MACROD2: variants seen among roughly 807,000 people sequenced by gnomAD.
MACROD2 encodes mono-ADP ribosylhydrolase 2.
In MACROD2, 36 loss-of-function variants were observed where a neutral mutation model predicts 70.4. The observed-to-expected ratio is 0.51, with a 90% CI of 0.39 to 0.68. The LOEUF (loss-of-function observed/expected upper bound fraction) is 0.68. MACROD2 is among the 30% of genes least tolerant of loss of function. The pLI, the probability that MACROD2 is intolerant of heterozygous loss-of-function variation, is 0.00. For synonymous variants in MACROD2, 172 were observed against 178.8 expected, an observed-to-expected ratio of 0.96 and a Z score of 0.30; for missense variants, 496 against 538.4, an observed-to-expected ratio of 0.92 and a Z score of 0.78.
chr20:15,402,292 G>C (rs911611961), intron 6 of MACROD2, among the ~76,000 whole-genome samples: 7 of 152,154 alleles, frequency 4.6e-5, no homozygotes, highest in African/African-American at 1.7e-4. Flanking sequence ...GAAGTTAAAA[G>C]ATAAACTTGG....
chr20:15,078,306 T>C (rs2075675510), intron 5 of MACROD2, among the ~76,000 whole-genome samples: 2 of 152,256 alleles, frequency 1.3e-5, no homozygotes, highest in Middle Eastern at 3.4e-3. Flanking sequence ...TCCATAGTCC[T>C]CCATTTCAGT....
At chr20:15,512,013 T>G (rs1406738901) in intron 8 of MACROD2, among the ~76,000 whole-genome samples, 1 of 152,216 alleles carries the variant, frequency 6.6e-6, no homozygotes. Context: ...CATACTGCAA[T>G]AAAAACTCCC....
chr20:15,919,053 G>C (rs554661382), intron 10 of MACROD2, among the ~76,000 whole-genome samples: 1 of 152,240 alleles, frequency 6.6e-6, no homozygotes, highest in Non-Finnish European at 1.5e-5. Context: ...TCTTTTCATA[G>C]ATCACAAGGC....
Position 14,033,752 on chromosome 20 carries a change from A to G in MACROD2, c.163+31348A>G, listed in dbSNP as rs568718136. Among the ~76,000 whole-genome samples, 8 of 152,262 alleles carry G rather than the reference A, an allele frequency of 5.3e-5. No homozygotes were observed. In the East Asian group the frequency reaches 1.2e-3, roughly 22 times the overall value. On this transcript the variant is annotated intron_variant, in intron 2 of 17. Coordinates refer to ENST00000684519, the MANE Select transcript of MACROD2 (RefSeq NM_001351661.2). ...TGTATGTGCTTCATGGCCTTATTCA[A>G]TCAAGCACCCTAGTCTTGATTTACT...
chr20:14,184,057 A>G (rs1306746865), intron 3 of MACROD2, among the ~76,000 whole-genome samples: 9 of 151,992 alleles, frequency 5.9e-5, no homozygotes, highest in Admixed American at 5.9e-4. Flanking sequence ...CTCATTTGTC[A>G]ATTTTTACTT....
chr20:14,730,384 A>C (rs1474311176), intron 5 of MACROD2, among the ~76,000 whole-genome samples: 1 of 152,216 alleles, frequency 6.6e-6, no homozygotes, highest in East Asian at 1.9e-4. Context: ...AAAAGCAGCC[A>C]CTGAGAAAGG....
intron 2 of MACROD2, among the ~76,000 whole-genome samples, chr20:14,014,384 C>T (rs566574503): frequency 3.5e-4 from 54 of 152,134 alleles, no homozygotes; most frequent in Non-Finnish European, 5.6e-4. Flanking sequence ...TTTTCATCAA[C>T]GTGTTTAAAA....
At chr20:14,727,466 T>G (rs1168867272) in intron 5 of MACROD2, among the ~76,000 whole-genome samples, 3 of 151,870 alleles carry the variant, frequency 2.0e-5, no homozygotes, top group African/African-American at 7.3e-5. Context: ...GCCTGGGAGG[T>G]TGAAGCTGCA....
chr20:14,905,898 C>T (rs1344065543), intron 5 of MACROD2: 1 of 152,136 alleles, frequency 6.6e-6, no homozygotes, highest in Non-Finnish European at 1.5e-5. Flanking sequence ...CTCTTCCAGC[C>T]TTCACCTCAA....
At chr20:15,689,081 A>G (rs192227927) in intron 8 of MACROD2, among the ~76,000 whole-genome samples, 35 of 152,378 alleles carry the variant, frequency 2.3e-4, no homozygotes, top group Admixed American at 1.6e-3. Context: ...AGGCAGGCAG[A>G]TCACCGGAGG....
chr20:14,348,473 A>G (rs552514937), intron 3 of MACROD2, among the ~76,000 whole-genome samples: 18 of 151,488 alleles, frequency 1.2e-4, no homozygotes, highest in Non-Finnish European at 2.5e-4. Context: ...CCTAATAGGC[A>G]TTTCTATTTA....
intron 8 of MACROD2, among the ~76,000 whole-genome samples, chr20:15,758,897 C>A (rs928775941): frequency 1.3e-4 from 19 of 151,696 alleles, no homozygotes; most frequent in Non-Finnish European, 2.2e-4. Flanking sequence ...TGCCTATAAT[C>A]CCTGCACTTT....
At chr20:16,046,733 T>G (rs2067387881) in intron 17 of MACROD2, among the ~76,000 whole-genome samples, 1 of 141,400 alleles carries the variant, frequency 7.1e-6, no homozygotes, top group Admixed American at 7.5e-5. Flanking sequence ...CGGGCTACAG[T>G]GTAGTGGCAC....
intron 7 of MACROD2, among the ~76,000 whole-genome samples, chr20:15,440,375 C>T (rs890791822): frequency 1.3e-5 from 2 of 152,124 alleles, no homozygotes; most frequent in Non-Finnish European, 2.9e-5. Context: ...TTGTTATCAA[C>T]GTGGAGTGCC....
At chr20:14,732,940 A>G (rs562056353) in intron 5 of MACROD2, among the ~76,000 whole-genome samples, 16 of 152,266 alleles carry the variant, frequency 1.1e-4, no homozygotes, top group African/African-American at 3.6e-4. Flanking sequence ...ATATTCAATT[A>G]CCAAGGTTGT....
At chr20:15,924,053 TG>T (rs1197651221) in intron 10 of MACROD2, among the ~76,000 whole-genome samples, 1 of 152,230 alleles carries the variant, frequency 6.6e-6, no homozygotes, top group African/African-American at 2.4e-5. Flanking sequence ...AGCACATTTT[TG>T]GAAAAAGTTC....
chr20:15,904,778 G>A (rs1171504923), intron 10 of MACROD2, among the ~76,000 whole-genome samples: 1 of 151,840 alleles, frequency 6.6e-6, no homozygotes, highest in African/African-American at 2.4e-5. Flanking sequence ...CTACTCGGGA[G>A]GCTGAGGCAG....
intron 5 of MACROD2, among the ~76,000 whole-genome samples, chr20:15,068,790 A>G (rs932187219): frequency 2.6e-5 from 4 of 152,194 alleles, no homozygotes; most frequent in Admixed American, 6.5e-5. Flanking sequence ...CTTTATAGCA[A>G]TAAAAAATGG....
intron 6 of MACROD2, among the ~76,000 whole-genome samples, chr20:15,422,984 A>G (rs1441088033): frequency 1.3e-5 from 2 of 152,180 alleles, no homozygotes; most frequent in Non-Finnish European, 2.9e-5. Flanking sequence ...TTTACCTAAT[A>G]TTCTAATTGA....
Sources: allele counts gnomAD v4.1 joint callset (sites outside exome capture counted in the v4.1 genomes callset), GRCh38; gene constraint gnomAD v4.1.1; transcripts MANE v1.5; gene names NCBI Gene and HGNC (gene_info 2026-07-23, HGNC 2026-07-21).